The following PLXNA4 variants were observed in gnomAD, a reference collection of about 807,000 sequenced individuals.
PLXNA4 encodes the protein plexin-A4.
In PLXNA4, 44 loss-of-function variants were observed where a neutral mutation model predicts 191.8. The ratio of observed to expected loss-of-function variants is 0.23; its 90% CI spans 0.18 to 0.29. The LOEUF (loss-of-function observed/expected upper bound fraction) is 0.29. Among genes scored for constraint, PLXNA4 ranks in the 10% least tolerant of loss-of-function variants. PLXNA4 has a pLI of 1.00. For synonymous variants in PLXNA4, 1,082 were observed against 1,009.5 expected, an observed-to-expected ratio of 1.07 and a Z score of -1.36; for missense variants, 1,800 against 2,488.8, an observed-to-expected ratio of 0.72 and a Z score of 5.89.
rs138251247 is a variant in PLXNA4 at position 132,362,335 on chromosome 7, C to T, written c.1372-64113G>A. ...TAGCAATATTCAAATAAGACAAGAC[C>T]ATAAGCACTCATTTCTGGGTTGGGA... On this transcript the variant is annotated intron_variant, in intron 3 of 31. Transcript: ENST00000321063. Among the ~76,000 whole-genome samples the T allele has an allele frequency of 5.9e-4, 90 of 152,284 alleles. 1 individual carries two copies. Among genetic ancestry groups the T allele is most frequent in the Middle Eastern group, 3.4e-3 (1 of 294 alleles).
At chr7:132,563,106 C>CT in intron 1 of PLXNA4, among the ~76,000 whole-genome samples, 1 of 109,784 alleles carries the variant, frequency 9.1e-6, no homozygotes, top group Middle Eastern at 8.6e-3. Flanking sequence ...CCTCCTCCTC[C>CT]TCTCCCTCCT....
chr7:132,237,866 C>A (rs1204745321), intron 5 of PLXNA4, among the ~76,000 whole-genome samples: 1 of 152,144 alleles, frequency 6.6e-6, no homozygotes, highest in Non-Finnish European at 1.5e-5. Context: ...AAAATCGGTA[C>A]CCGTGGACAC....
intron 3 of PLXNA4, among the ~76,000 whole-genome samples, chr7:132,483,213 G>A (rs1349697882): frequency 6.6e-6 from 1 of 152,134 alleles, no homozygotes; most frequent in Non-Finnish European, 1.5e-5. Context: ...GAGTGGCTGA[G>A]GAAATCATAG....
intron 5 of PLXNA4, among the ~76,000 whole-genome samples, chr7:132,229,984 T>G (rs947314057): frequency 2.0e-5 from 3 of 152,018 alleles, no homozygotes; most frequent in African/African-American, 4.8e-5. Context: ...TTGAAGGCCA[T>G]GGACTGAAGC....
intron 3 of PLXNA4, among the ~76,000 whole-genome samples, chr7:132,327,964 C>T (rs896210100): frequency 8.5e-5 from 13 of 152,200 alleles, no homozygotes; most frequent in African/African-American, 2.7e-4. Context: ...CACAGGTGAG[C>T]TCCTCTGCAT....
intron 24 of PLXNA4, among the ~76,000 whole-genome samples, chr7:132,159,924 T>C (rs1046586683): frequency 2.6e-5 from 4 of 152,206 alleles, no homozygotes; most frequent in Non-Finnish European, 5.9e-5. Context: ...AAAGGGACAA[T>C]GCCCAAGCAT....
At chr7:132,491,004 C>T (rs540384302) in intron 2 of PLXNA4, among the ~76,000 whole-genome samples, 116 of 152,158 alleles carry the variant, frequency 7.6e-4, no homozygotes, top group African/African-American at 2.6e-3. Flanking sequence ...GAAAAGCCCT[C>T]GGCACTCCCC....
intron 31 of PLXNA4, among the ~76,000 whole-genome samples, chr7:132,132,223 G>A (rs1584744719): frequency 1.3e-5 from 2 of 152,324 alleles, no homozygotes; most frequent in East Asian, 1.9e-4. Context: ...GAAGATGTCT[G>A]AGGGGCCTCT....
chr7:132,292,846 G>A (rs1376431896), intron 4 of PLXNA4, among the ~76,000 whole-genome samples: 1 of 152,214 alleles, frequency 6.6e-6, no homozygotes, highest in Non-Finnish European at 1.5e-5. Flanking sequence ...TATGTAGGGT[G>A]GCCAGCGGAG....
rs1047901702 is a variant in PLXNA4, at chr7:132,442,920, G to A, written c.1371+46372C>T. Among the ~76,000 whole-genome samples the A allele has an allele frequency of 9.2e-5, 14 of 152,202 alleles. 1 individual carries two copies. The highest frequency in any genetic ancestry group is 2.1e-4 in the South Asian group (1 of 4,826). ...GACACAGTGCCCAAGGCTGGCTGGCGTTTGATGGGATGGCACCAGTAGGGT... is the reference window on the plus strand; with the variant it reads ...GACACAGTGCCCAAGGCTGGCTGGCATTTGATGGGATGGCACCAGTAGGGT... On this transcript the variant is annotated intron_variant, in intron 3 of 31. Transcript: ENST00000321063.
chr7:132,250,992 G>A (rs1799226995), intron 4 of PLXNA4, among the ~76,000 whole-genome samples: 1 of 150,558 alleles, frequency 6.6e-6, no homozygotes, highest in Non-Finnish European at 1.5e-5. Context: ...CCATCCCCAA[G>A]CCCAGCAGGT....
chr7:132,198,132 A>T (rs1202595713), intron 13 of PLXNA4, among the ~76,000 whole-genome samples: 1 of 151,580 alleles, frequency 6.6e-6, no homozygotes, highest in Non-Finnish European at 1.5e-5. Flanking sequence ...GCTGGGGGGG[A>T]TGTGAGCGGG....
At chr7:132,347,676 G>A (rs910569334) in intron 3 of PLXNA4, among the ~76,000 whole-genome samples, 3 of 152,152 alleles carry the variant, frequency 2.0e-5, no homozygotes, top group African/African-American at 4.8e-5. Context: ...TGTGTGCTCC[G>A]AGAAGAGTCT....
intron 1 of PLXNA4, among the ~76,000 whole-genome samples, chr7:132,512,444 T>C (rs1053994993): frequency 2.0e-5 from 3 of 152,180 alleles, no homozygotes; most frequent in African/African-American, 4.8e-5. Context: ...CAAACACTTA[T>C]CACCCTCATC....
intron 4 of PLXNA4, among the ~76,000 whole-genome samples, chr7:132,246,392 T>C (rs1799050832): frequency 6.6e-6 from 1 of 152,260 alleles, no homozygotes; most frequent in Admixed American, 6.5e-5. Context: ...TCTGGATACC[T>C]GTTTCCTGAT....
At chr7:132,564,332 C>T (rs1801609964) in intron 1 of PLXNA4, among the ~76,000 whole-genome samples, 1 of 146,686 alleles carries the variant, frequency 6.8e-6, no homozygotes, top group Non-Finnish European at 1.5e-5. Context: ...CCTTCTCCTT[C>T]TGCTGCTCCT....
intron 1 of PLXNA4, among the ~76,000 whole-genome samples, chr7:132,549,221 G>C (rs993485475): frequency 4.6e-5 from 7 of 151,986 alleles, no homozygotes; most frequent in Admixed American, 1.3e-4. Context: ...TTACTTTATG[G>C]ACTTGCCCTG....
At chr7:132,133,281 G>C in intron 30 of PLXNA4, 82 bp from the exon 31 acceptor site, 1 of 1,553,500 alleles carries the variant, frequency 6.4e-7, no homozygotes. Flanking sequence ...CACCGTGTCT[G>C]GGGCCATGAG....
intron 2 of PLXNA4, among the ~76,000 whole-genome samples, chr7:132,644,718 C>T (rs978526044): frequency 1.3e-5 from 2 of 152,106 alleles, no homozygotes; most frequent in African/African-American, 4.8e-5. Flanking sequence ...TAATGGCAGT[C>T]GATCTGTGGT....
Sources: gnomAD v4.1 joint callset for allele counts (sites outside exome capture counted in the v4.1 genomes callset) on GRCh38, gnomAD v4.1.1 for gene constraint, MANE v1.5 for transcripts, NCBI Gene and HGNC (gene_info 2026-07-23, HGNC 2026-07-21) for gene names.